Variants in PALLD observed in about 807,000 individuals in gnomAD.
PALLD encodes palladin.
Under a neutral mutation model 123.5 loss-of-function variants are expected in PALLD, and 61 were observed. The observed-to-expected ratio is 0.49, with a 90% confidence interval of 0.40 to 0.61. The LOEUF (loss-of-function observed/expected upper bound fraction) is 0.61. PALLD is among the 20% of genes least tolerant of loss of function. PALLD has a pLI of 0.00. For synonymous variants in PALLD, 465 were observed against 496.4 expected, an observed-to-expected ratio of 0.94 and a Z score of 0.84; for missense variants, 1,273 against 1,377.0, an observed-to-expected ratio of 0.92 and a Z score of 1.20.
At chr4:168,550,786 A>G (rs1304993242) in intron 2 of PALLD, among the ~76,000 whole-genome samples, 1 of 152,152 alleles carries the variant, frequency 6.6e-6, no homozygotes, top group African/African-American at 2.4e-5. Flanking sequence ...TGAATCCCTC[A>G]ATTACTAATT....
intron 5 of PALLD, among the ~76,000 whole-genome samples, chr4:168,683,608 T>C (rs1781758788): frequency 6.6e-6 from 1 of 152,146 alleles, no homozygotes; most frequent in Admixed American, 6.5e-5. Context: ...GAAAGAACAA[T>C]AATATAAACT....
chr4:168,568,289 G>A (rs975600492), intron 2 of PALLD, among the ~76,000 whole-genome samples: 1 of 151,988 alleles, frequency 6.6e-6, no homozygotes, highest in African/African-American at 2.4e-5. Flanking sequence ...GCAGAACACT[G>A]AAAAGCATCC....
chr4:168,560,008 G>A (rs1410503873), intron 2 of PALLD, among the ~76,000 whole-genome samples: 2 of 152,118 alleles, frequency 1.3e-5, no homozygotes, highest in African/African-American at 4.8e-5. Flanking sequence ...GAGTTCATAT[G>A]AAATTCAAAT....
intron 10 of PALLD, among the ~76,000 whole-genome samples, chr4:168,880,297 G>A (rs1294236376): frequency 6.6e-6 from 1 of 152,172 alleles, no homozygotes; most frequent in African/African-American, 2.4e-5. Context: ...AGTCGTTCCT[G>A]CCATTTCTTA....
At chr4:168,558,359 C>G (rs1323495791) in intron 2 of PALLD, among the ~76,000 whole-genome samples, 1 of 152,330 alleles carries the variant, frequency 6.6e-6, no homozygotes, top group East Asian at 1.9e-4. Context: ...CTTTACCTTT[C>G]TCAGGCAGGA....
intron 10 of PALLD, among the ~76,000 whole-genome samples, chr4:168,813,331 A>T (rs1741439491): frequency 6.6e-6 from 1 of 152,124 alleles, no homozygotes; most frequent in Non-Finnish European, 1.5e-5. Flanking sequence ...CATGCCCAAC[A>T]CTTTCCTAGG....
At chr4:168,573,447 C>A (rs963403072) in intron 2 of PALLD, among the ~76,000 whole-genome samples, 5 of 152,044 alleles carry the variant, frequency 3.3e-5, no homozygotes, top group Admixed American at 6.6e-5. Context: ...CAATTCTATA[C>A]CCCCAGTGTC....
chr4:168,660,229 C>T (rs1778998575), intron 2 of PALLD, among the ~76,000 whole-genome samples: 1 of 152,138 alleles, frequency 6.6e-6, no homozygotes, highest in Admixed American at 6.5e-5. Flanking sequence ...ATGGAAGTGA[C>T]TGGTGGTTTT....
intron 8 of PALLD, among the ~76,000 whole-genome samples, chr4:168,692,780 G>A (rs1782749569): frequency 6.6e-6 from 1 of 152,220 alleles, no homozygotes; most frequent in Admixed American, 6.5e-5. Flanking sequence ...GGCAGCTTTT[G>A]ACATTGCGTT....
intron 6 of PALLD, among the ~76,000 whole-genome samples, chr4:168,688,834 A>G (rs2150115666): frequency 6.6e-6 from 1 of 152,316 alleles, no homozygotes; most frequent in Admixed American, 6.5e-5. Context: ...TGGTGCCTCA[A>G]AGCTGAAGCA....
intron 11 of PALLD, 83 bp from the exon 12 acceptor site, chr4:168,894,493 GTGT>G (rs1754697549): frequency 2.5e-6 from 2 of 800,886 alleles, no homozygotes; most frequent in African/African-American, 3.4e-5. Flanking sequence ...TCATGAAAGT[GTGT>G]TGTTTTTTAC....
At chr4:168,551,542 A>G (rs1451808481) in intron 2 of PALLD, among the ~76,000 whole-genome samples, 2 of 152,212 alleles carry the variant, frequency 1.3e-5, no homozygotes, top group Non-Finnish European at 2.9e-5. Context: ...CTAATTTGTT[A>G]CCTACTCTTT....
intron 10 of PALLD, among the ~76,000 whole-genome samples, chr4:168,886,388 T>TTCCAGCTC (rs1387417777): frequency 3.9e-5 from 6 of 152,214 alleles, no homozygotes; most frequent in South Asian, 2.1e-4. Context: ...ACACCTGTAA[T>TTCCAGCTC]TCCAGCTCTT....
At chr4:168,661,794 T>G (rs189914681) in intron 2 of PALLD, among the ~76,000 whole-genome samples, 12 of 152,308 alleles carry the variant, frequency 7.9e-5, no homozygotes, top group African/African-American at 2.4e-4. Flanking sequence ...AAAATGAAAT[T>G]TTGGAGACTA....
intron 10 of PALLD, among the ~76,000 whole-genome samples, chr4:168,776,242 T>A (rs989319509): frequency 5.3e-5 from 8 of 152,234 alleles, no homozygotes; most frequent in Non-Finnish European, 1.5e-5. Flanking sequence ...ACAGGTCTTG[T>A]ACATCTTTTG....
At chr4:168,762,191 C>T (rs149822971) in intron 10 of PALLD, among the ~76,000 whole-genome samples, 48 of 152,222 alleles carry the variant, frequency 3.2e-4, no homozygotes, top group South Asian at 8.3e-4. Flanking sequence ...ATGCCATTCT[C>T]GGCTGGGCGC....
intron 10 of PALLD, among the ~76,000 whole-genome samples, chr4:168,785,863 A>C (rs1321004831): frequency 7.3e-6 from 1 of 136,762 alleles, no homozygotes; most frequent in Non-Finnish European, 1.6e-5. Flanking sequence ...ATATATATAT[A>C]TATATATATA....
intron 9 of PALLD, among the ~76,000 whole-genome samples, chr4:168,710,139 G>C (rs544479105): frequency 6.6e-6 from 1 of 152,232 alleles, no homozygotes; most frequent in African/African-American, 2.4e-5. Context: ...CTGATAGTCT[G>C]TATCAATGAT....
intron 10 of PALLD, among the ~76,000 whole-genome samples, chr4:168,833,470 C>A (rs532944955): frequency 2.0e-5 from 3 of 152,024 alleles, no homozygotes; most frequent in African/African-American, 7.2e-5. Flanking sequence ...GAAACTAGCA[C>A]GAGAAAAGGA....
Sources: allele counts gnomAD v4.1 joint callset (sites outside exome capture counted in the v4.1 genomes callset), GRCh38; gene constraint gnomAD v4.1.1; transcripts MANE v1.5; gene names NCBI Gene and HGNC (gene_info 2026-07-23, HGNC 2026-07-21).